Variants in LGSN observed in about 807,000 individuals in gnomAD.
LGSN encodes the protein lengsin, lens protein with glutamine synthetase domain.
Under a neutral mutation model 19.5 loss-of-function variants are expected in LGSN, and 21 were observed. The ratio of observed to expected loss-of-function variants is 1.07; its 90% CI spans 0.76 to 1.55. The LOEUF is 1.55. Among genes scored for constraint, LGSN ranks in the 40% most tolerant of loss-of-function variants. The pLI is 0.00. For synonymous variants in LGSN, 257 were observed against 215.6 expected, an observed-to-expected ratio of 1.19 and a Z score of -1.68; for missense variants, 673 against 608.5, an observed-to-expected ratio of 1.11 and a Z score of -1.12.
chr6:63,489,080 T>C, the LGSN span, among the ~76,000 whole-genome samples: 1 of 152,170 alleles, frequency 6.6e-6, no homozygotes, highest in Non-Finnish European at 1.5e-5. Flanking sequence ...TGATAAAAAA[T>C]TGATATACTA....
the LGSN span, among the ~76,000 whole-genome samples, chr6:63,462,311 A>T: frequency 6.6e-6 from 1 of 152,176 alleles, no homozygotes; most frequent in Admixed American, 6.5e-5. Context: ...AAGAACTACT[A>T]GGAAAACCCA....
the LGSN span, among the ~76,000 whole-genome samples, chr6:63,326,830 C>T: frequency 7.9e-5 from 12 of 152,292 alleles, no homozygotes; most frequent in East Asian, 1.4e-3. Context: ...CAACTCACGC[C>T]TCTCCCTCCA....
rs1281860544 is a variant in LGSN, at chr6:63,276,204, G to GT, written c.*3816dup. On this transcript the variant is annotated 3_prime_UTR_variant, in exon 4 of 4. Coordinates refer to ENST00000370657, the MANE Select transcript of LGSN (RefSeq NM_016571.3). ...TTGTCAAACAGGTGACTGGAGATAT[G>GT]TCAATAGACTGTTCTGTTTTACTGA... 1 of 152,176 alleles carries GT rather than the reference G, an allele frequency of 6.6e-6. No homozygotes were observed. Among genetic ancestry groups the GT allele is most frequent in the African/African-American group, 2.4e-5 (1 of 41,444 alleles). 9.4% of individuals were successfully genotyped at this position (152,176 alleles called of 1,614,324 possible).
intron 1 of LGSN, among the ~76,000 whole-genome samples, chr6:63,311,495 T>G (rs1310732174): frequency 2.0e-5 from 3 of 152,200 alleles, no homozygotes; most frequent in Non-Finnish European, 4.4e-5. Flanking sequence ...AACTGCTGAT[T>G]TATTTGGAGC....
At chr6:63,511,480 T>C in the LGSN span, among the ~76,000 whole-genome samples, 2 of 152,208 alleles carry the variant, frequency 1.3e-5, no homozygotes, top group Middle Eastern at 6.8e-3. Flanking sequence ...GGTCTTGAAC[T>C]CCTGACCTCA....
At chr6:63,529,994 T>G in the LGSN span, among the ~76,000 whole-genome samples, 1 of 152,144 alleles carries the variant, frequency 6.6e-6, no homozygotes, top group Non-Finnish European at 1.5e-5. Flanking sequence ...CTTTATAGAG[T>G]TATGAGTAAT....
chr6:63,466,133 C>T, the LGSN span, among the ~76,000 whole-genome samples: 104 of 152,330 alleles, frequency 6.8e-4, no homozygotes, highest in African/African-American at 2.4e-3. Context: ...CTCCTGGCCT[C>T]AAGAGATCCT....
the LGSN span, among the ~76,000 whole-genome samples, chr6:63,367,832 A>T: frequency 1.3e-4 from 20 of 151,910 alleles, no homozygotes; most frequent in Non-Finnish European, 2.2e-4. Flanking sequence ...TGAGCAAACT[A>T]TTGCAAGGAC....
the LGSN span, among the ~76,000 whole-genome samples, chr6:63,330,493 T>G: frequency 6.6e-6 from 1 of 152,232 alleles, no homozygotes; most frequent in East Asian, 1.9e-4. Context: ...AAACTTATCT[T>G]TTAGAATCAA....
the LGSN span, among the ~76,000 whole-genome samples, chr6:63,537,816 G>A: frequency 6.6e-6 from 1 of 152,182 alleles, no homozygotes; most frequent in Non-Finnish European, 1.5e-5. Context: ...TAACCCGTAG[G>A]GCACAATGAG....
the LGSN span, among the ~76,000 whole-genome samples, chr6:63,492,388 A>G: frequency 6.6e-6 from 1 of 152,222 alleles, no homozygotes; most frequent in Non-Finnish European, 1.5e-5. Flanking sequence ...ACAAAATAGG[A>G]CATGTTGTTC....
At chr6:63,381,804 A>G in the LGSN span, among the ~76,000 whole-genome samples, 24 of 152,324 alleles carry the variant, frequency 1.6e-4, 1 homozygote, top group South Asian at 2.3e-3. Context: ...GAGCTCAGAA[A>G]TTACCCCCAG....
At chr6:63,548,192 A>G in the LGSN span, among the ~76,000 whole-genome samples, 1 of 152,136 alleles carries the variant, frequency 6.6e-6, no homozygotes, top group Non-Finnish European at 1.5e-5. Flanking sequence ...TTTCCCTACT[A>G]TAACACTTTC....
At chr6:63,407,997 GA>G in the LGSN span, among the ~76,000 whole-genome samples, 4 of 152,262 alleles carry the variant, frequency 2.6e-5, no homozygotes, top group East Asian at 7.7e-4. Flanking sequence ...TCTTCAAGGA[GA>G]ACTACAAACC....
At chr6:63,486,004 A>G in the LGSN span, among the ~76,000 whole-genome samples, 1 of 152,160 alleles carries the variant, frequency 6.6e-6, no homozygotes, top group East Asian at 1.9e-4. Context: ...TGCTGGGATT[A>G]CAGGTGTGAG....
the LGSN span, chr6:63,441,433 C>A: frequency 2.2e-6 from 1 of 453,878 alleles, no homozygotes. Flanking sequence ...ACCTCTGGAT[C>A]CCGGCCTGGC....
chr6:63,379,056 C>T, the LGSN span, among the ~76,000 whole-genome samples: 5 of 152,162 alleles, frequency 3.3e-5, no homozygotes, highest in Non-Finnish European at 5.9e-5. Context: ...TTTCAGAAAG[C>T]TATCCATGGA....
chr6:63,419,878 CCCAAAAAAAAAAAAAAAAAAAAAAAAAAA>C, the LGSN span, among the ~76,000 whole-genome samples: 1 of 90,082 alleles, frequency 1.1e-5, no homozygotes, highest in Admixed American at 1.5e-4. Context: ...GAAACTCCCT[CCCAAAAAAAAAAAAAAAAAAAAAAAAAAA>C]AAAAAAAAAA....
At chr6:63,475,411 A>G in the LGSN span, among the ~76,000 whole-genome samples, 7 of 151,986 alleles carry the variant, frequency 4.6e-5, no homozygotes, top group Admixed American at 6.6e-5. Context: ...CCAACCCAAC[A>G]TGGTATGTTT....
Sources: allele counts gnomAD v4.1 joint callset (sites outside exome capture counted in the v4.1 genomes callset), GRCh38; gene constraint gnomAD v4.1.1; transcripts MANE v1.5; gene names NCBI Gene and HGNC (gene_info 2026-07-23, HGNC 2026-07-21).